LHFPL3: variants seen among roughly 807,000 people sequenced by gnomAD.
The protein encoded by LHFPL3 is LHFPL tetraspan subfamily member 3 protein.
In LHFPL3, 5 loss-of-function variants were observed where a neutral mutation model predicts 19.3. The observed-to-expected ratio is 0.26, with a 90% CI of 0.14 to 0.54. The LOEUF is 0.54. Among genes scored for constraint, LHFPL3 ranks in the 20% least tolerant of loss-of-function variants. LHFPL3 has a pLI of 0.94. For synonymous variants in LHFPL3, 133 were observed against 126.2 expected (o/e 1.05, Z -0.36); for missense variants, 249 against 307.4 (o/e 0.81, Z 1.42).
chr7:104,810,483 G>A (rs551812246), intron 2 of LHFPL3, among the ~76,000 whole-genome samples: 9 of 152,294 alleles, frequency 5.9e-5, no homozygotes, highest in Admixed American at 6.5e-5. Flanking sequence ...ACTGAGGAGA[G>A]AGGGTCATTC....
chr7:104,662,395 G>GGACCCAAGTATGCAA (rs1792241151), intron 1 of LHFPL3, among the ~76,000 whole-genome samples: 1 of 152,108 alleles, frequency 6.6e-6, no homozygotes, highest in Non-Finnish European at 1.5e-5. Context: ...ATCCCCCCAA[G>GGACCCAAGTATGCAA]GACCCAAGTA....
intron 1 of LHFPL3, among the ~76,000 whole-genome samples, chr7:104,424,703 C>G (rs979916584): frequency 2.6e-5 from 4 of 152,072 alleles, no homozygotes; most frequent in Admixed American, 6.5e-5. Flanking sequence ...AAAGAAGTAT[C>G]TGACTTGGCC....
At chr7:104,809,081 G>A (rs556742989) in intron 2 of LHFPL3, among the ~76,000 whole-genome samples, 116 of 152,072 alleles carry the variant, frequency 7.6e-4, no homozygotes, top group African/African-American at 2.1e-3. Context: ...TTTTAGTAGA[G>A]ACGGGGTTTC....
At chr7:104,517,157 G>A (rs1273325880) in intron 1 of LHFPL3, among the ~76,000 whole-genome samples, 1 of 152,130 alleles carries the variant, frequency 6.6e-6, no homozygotes, top group East Asian at 1.9e-4. Context: ...TGGAGGGTGG[G>A]AGGAGGGAGA....
intron 1 of LHFPL3, among the ~76,000 whole-genome samples, chr7:104,662,862 A>G (rs569932297): frequency 7.2e-5 from 11 of 152,322 alleles, no homozygotes; most frequent in African/African-American, 2.6e-4. Context: ...TTAAAGTCTT[A>G]AGTCAAAATA....
chr7:104,892,439 A>G (rs985964718), intron 2 of LHFPL3, among the ~76,000 whole-genome samples: 5 of 152,174 alleles, frequency 3.3e-5, no homozygotes, highest in African/African-American at 7.2e-5. Flanking sequence ...ATCGTAGGGC[A>G]TGGTGGCTCA....
chr7:104,882,627 C>A (rs1792078507), intron 2 of LHFPL3, among the ~76,000 whole-genome samples: 1 of 151,928 alleles, frequency 6.6e-6, no homozygotes, highest in Non-Finnish European at 1.5e-5. Flanking sequence ...GTATCCAGGG[C>A]CTGAGGGGAG....
intron 2 of LHFPL3, among the ~76,000 whole-genome samples, chr7:104,810,495 C>T (rs1790442485): frequency 6.6e-6 from 1 of 152,100 alleles, no homozygotes; most frequent in Non-Finnish European, 1.5e-5. Context: ...GGGTCATTCT[C>T]CCGCTGTACT....
intron 2 of LHFPL3, among the ~76,000 whole-genome samples, chr7:104,871,206 A>G (rs1791829530): frequency 6.6e-6 from 1 of 152,254 alleles, no homozygotes; most frequent in Admixed American, 6.5e-5. Flanking sequence ...TTTATGGTAT[A>G]GCCTATTGCT....
intron 1 of LHFPL3, among the ~76,000 whole-genome samples, chr7:104,603,072 TTCTTTCTTTCTTTCTTTC>T (rs2115706475): frequency 1.9e-5 from 1 of 51,322 alleles, no homozygotes; most frequent in African/African-American, 6.3e-5. Flanking sequence ...TTCTTTTTCT[TTCTTTCTTTCTTTCTTTC>T]TTTCTTTCTT....
At chr7:104,793,889 A>G (rs1790069644) in intron 2 of LHFPL3, among the ~76,000 whole-genome samples, 1 of 152,142 alleles carries the variant, frequency 6.6e-6, no homozygotes, top group South Asian at 2.1e-4. Flanking sequence ...GGATTTTTAG[A>G]CCCATTAATA....
intron 1 of LHFPL3, among the ~76,000 whole-genome samples, chr7:104,679,883 T>C (rs1445726169): frequency 2.0e-5 from 3 of 152,198 alleles, no homozygotes; most frequent in African/African-American, 7.2e-5. Flanking sequence ...TAATAGTGGG[T>C]GCTCTGCATT....
At chr7:104,669,142 G>T in intron 1 of LHFPL3, 1 of 1,613,342 alleles carries the variant, frequency 6.2e-7, no homozygotes, top group Non-Finnish European at 8.5e-7. Flanking sequence ...TCCCAAACCT[G>T]ATCAGCCCCT....
chr7:104,503,681 C>A (rs1793643688), intron 1 of LHFPL3, among the ~76,000 whole-genome samples: 1 of 152,012 alleles, frequency 6.6e-6, no homozygotes, highest in South Asian at 2.1e-4. Context: ...GTGATCCTCC[C>A]ACCTCAGCCT....
chr7:104,579,096 T>A (rs2116014992), intron 1 of LHFPL3, among the ~76,000 whole-genome samples: 1 of 152,330 alleles, frequency 6.6e-6, no homozygotes, highest in South Asian at 2.1e-4. Flanking sequence ...TTAATCTTGC[T>A]TTATTATTTT....
chr7:104,725,737 A>G (rs541944613), intron 1 of LHFPL3, among the ~76,000 whole-genome samples: 1 of 152,268 alleles, frequency 6.6e-6, no homozygotes, highest in South Asian at 2.1e-4. Flanking sequence ...AAAATTTTCA[A>G]ATCACCAACT....
chr7:104,810,089 C>G (rs1790436823), intron 2 of LHFPL3, among the ~76,000 whole-genome samples: 1 of 152,166 alleles, frequency 6.6e-6, no homozygotes, highest in South Asian at 2.1e-4. Context: ...AGAAATATGT[C>G]AGACCAGGGG....
intron 2 of LHFPL3, among the ~76,000 whole-genome samples, chr7:104,869,297 C>G (rs999626431): frequency 9.2e-5 from 14 of 152,200 alleles, no homozygotes; most frequent in Non-Finnish European, 1.9e-4. Context: ...TCAGGGTAAA[C>G]AGGGAACCTA....
At chr7:104,822,664 G>T (rs1790697894) in intron 2 of LHFPL3, among the ~76,000 whole-genome samples, 1 of 152,138 alleles carries the variant, frequency 6.6e-6, no homozygotes, top group Non-Finnish European at 1.5e-5. Flanking sequence ...TCACACAAAG[G>T]CACCCTGTGG....
Sources: allele counts gnomAD v4.1 joint callset (sites outside exome capture counted in the v4.1 genomes callset), GRCh38; gene constraint gnomAD v4.1.1; transcripts MANE v1.5; gene names NCBI Gene and HGNC (gene_info 2026-07-23, HGNC 2026-07-21).